Variants in KCNAB1 observed in about 807,000 individuals in gnomAD.
The protein encoded by KCNAB1 is voltage-gated potassium channel subunit beta-1.
In KCNAB1, 35 loss-of-function variants were observed where a neutral mutation model predicts 64.6. The observed-to-expected ratio is 0.54, with a 90% CI of 0.41 to 0.72. KCNAB1 has a LOEUF of 0.72. KCNAB1 is among the 30% of genes least tolerant of loss of function. KCNAB1 has a pLI of 0.00. For missense variants in KCNAB1, 401 were observed against 512.9 expected, an observed-to-expected ratio of 0.78 and a Z score of 2.11; for synonymous variants, 177 against 183.8, an observed-to-expected ratio of 0.96 and a Z score of 0.30.
At chr3:156,251,877 G>A (rs1286231125) in intron 1 of KCNAB1, among the ~76,000 whole-genome samples, 1 of 152,174 alleles carries the variant, frequency 6.6e-6, no homozygotes, top group African/African-American at 2.4e-5. Flanking sequence ...TAATTAGATT[G>A]TAGGTCAAAT....
At chr3:156,238,490 A>G (rs1371218338) in intron 1 of KCNAB1, among the ~76,000 whole-genome samples, 1 of 151,596 alleles carries the variant, frequency 6.6e-6, no homozygotes, top group African/African-American at 2.4e-5. Flanking sequence ...CACTGTTTGG[A>G]CCCTAACAAA....
intron 1 of KCNAB1, among the ~76,000 whole-genome samples, chr3:156,384,535 G>A (rs2108154736): frequency 6.6e-6 from 1 of 152,298 alleles, no homozygotes; most frequent in Admixed American, 6.5e-5. Flanking sequence ...AGCAAAAAAA[G>A]TCTATTTCTA....
intron 1 of KCNAB1, among the ~76,000 whole-genome samples, chr3:156,338,289 C>G (rs895267756): frequency 7.1e-5 from 5 of 70,588 alleles, no homozygotes; most frequent in African/African-American, 2.3e-4. Context: ...CTTATACTTT[C>G]TTTGGCATTT....
intron 1 of KCNAB1, among the ~76,000 whole-genome samples, chr3:156,264,811 C>T (rs1477244775): frequency 6.6e-6 from 1 of 152,156 alleles, no homozygotes; most frequent in East Asian, 1.9e-4. Context: ...ACATTCCCTG[C>T]GAATCTTGTT....
At chr3:156,527,444 G>C (rs779433658) in intron 12 of KCNAB1, among the ~76,000 whole-genome samples, 22 of 152,176 alleles carry the variant, frequency 1.4e-4, no homozygotes, top group Non-Finnish European at 2.6e-4. Flanking sequence ...CAAGCAATCA[G>C]AGTAATATGC....
intron 1 of KCNAB1, among the ~76,000 whole-genome samples, chr3:156,239,969 G>A (rs967524545): frequency 2.6e-5 from 4 of 152,074 alleles, no homozygotes; most frequent in African/African-American, 4.8e-5. Flanking sequence ...AAAGCTACAG[G>A]AAATACATCA....
chr3:156,437,600 C>T (rs372358214), intron 2 of KCNAB1, among the ~76,000 whole-genome samples: 10 of 152,112 alleles, frequency 6.6e-5, no homozygotes, highest in African/African-American at 1.4e-4. Flanking sequence ...TCCCAGAAAA[C>T]GAGACTGCTG....
chr3:156,212,619 C>T (rs1225158975), intron 1 of KCNAB1, among the ~76,000 whole-genome samples: 2 of 152,180 alleles, frequency 1.3e-5, no homozygotes, highest in Non-Finnish European at 1.5e-5. Flanking sequence ...AAGGATGACA[C>T]TTCTGACTCC....
At chr3:156,221,276 G>A (rs1399844496) in intron 1 of KCNAB1, among the ~76,000 whole-genome samples, 1 of 152,120 alleles carries the variant, frequency 6.6e-6, no homozygotes, top group African/African-American at 2.4e-5. Flanking sequence ...AGCTTGATGG[G>A]GATAGCATTG....
chr3:156,190,146 A>G (rs1404952297), intron 1 of KCNAB1, among the ~76,000 whole-genome samples: 1 of 152,184 alleles, frequency 6.6e-6, no homozygotes. Context: ...CTTTGCCTGC[A>G]TCGCTTTTGT....
Position 156,246,836 on chromosome 3 carries a change from G to T in KCNAB1, c.275+125950G>T, listed in dbSNP as rs767973807. Among the ~76,000 whole-genome samples, 159 of 152,252 alleles carry T rather than the reference G, an allele frequency of 1.0e-3. 1 individual carries two copies. The highest frequency in any genetic ancestry group is 3.4e-3 in the Middle Eastern group (1 of 294). On this transcript the variant is annotated intron_variant, in intron 1 of 13. Transcript: ENST00000490337. ...AGGAACAGGCAAGGTAGGTGACAAAGGTAGTGAGTGTTTATAAACAAGGGA... is the reference window on the plus strand; with the variant it reads ...AGGAACAGGCAAGGTAGGTGACAAATGTAGTGAGTGTTTATAAACAAGGGA...
chr3:156,322,432 G>A (rs987832138), intron 1 of KCNAB1, among the ~76,000 whole-genome samples: 1 of 152,184 alleles, frequency 6.6e-6, no homozygotes, highest in African/African-American at 2.4e-5. Flanking sequence ...AACAAGTACA[G>A]ACATTTTTCT....
In KCNAB1 at chr3:156,224,965, A is replaced by C. The variant is rs575096677; in HGVS notation, c.275+104079A>C. On this transcript the variant is annotated intron_variant, in intron 1 of 13. Transcript: ENST00000490337. ...CAAAAAAAAGTTCAGGACCAGACCG[A>C]TTCACAGCTGAATTGTATCAGACAT... is the stretch of plus-strand genomic sequence containing the variant. 2.0e-5 allele frequency among the ~76,000 whole-genome samples: 3 copies of C among 152,326 alleles called. No individual in the cohort carries two copies. The South Asian group carries it at 6.2e-4, about 32-fold the overall frequency.
intron 1 of KCNAB1, among the ~76,000 whole-genome samples, chr3:156,395,056 C>T (rs1007884080): frequency 1.3e-5 from 2 of 152,124 alleles, no homozygotes; most frequent in Admixed American, 1.3e-4. Flanking sequence ...AATTAATTTT[C>T]TTAAGTTTCT....
chr3:156,342,428 C>T (rs891259882), intron 1 of KCNAB1, among the ~76,000 whole-genome samples: 1 of 152,050 alleles, frequency 6.6e-6, no homozygotes, highest in African/African-American at 2.4e-5. Context: ...CCATGACACA[C>T]CATATAGTTC....
At chr3:156,320,583 TG>T (rs1333499609) in intron 1 of KCNAB1, among the ~76,000 whole-genome samples, 1 of 152,048 alleles carries the variant, frequency 6.6e-6, no homozygotes, top group East Asian at 1.9e-4. Flanking sequence ...ATCTAGAAAG[TG>T]GGAGGCTACC....
At chr3:156,194,322 C>T (rs1241188457) in intron 1 of KCNAB1, among the ~76,000 whole-genome samples, 1 of 151,838 alleles carries the variant, frequency 6.6e-6, no homozygotes, top group African/African-American at 2.4e-5. Flanking sequence ...CTTTTTGATA[C>T]TCACTTTGTT....
intron 1 of KCNAB1, among the ~76,000 whole-genome samples, chr3:156,394,938 T>C (rs1713313877): frequency 6.6e-6 from 1 of 152,214 alleles, no homozygotes; most frequent in Admixed American, 6.5e-5. Flanking sequence ...GTGGAAATAT[T>C]CTTAAATAAC....
intron 1 of KCNAB1, among the ~76,000 whole-genome samples, chr3:156,380,266 G>T (rs1266419714): frequency 6.6e-6 from 1 of 152,076 alleles, no homozygotes; most frequent in African/African-American, 2.4e-5. Context: ...CTTCTTAGTT[G>T]GTTTGTATTA....
Sources: gnomAD v4.1 joint callset for allele counts (sites outside exome capture counted in the v4.1 genomes callset) on GRCh38, gnomAD v4.1.1 for gene constraint, MANE v1.5 for transcripts, NCBI Gene and HGNC (gene_info 2026-07-23, HGNC 2026-07-21) for gene names.